Variants in RPS6KA5 observed in about 807,000 individuals in gnomAD.
The protein encoded by RPS6KA5 is ribosomal protein S6 kinase alpha-5.
Under a neutral mutation model 85.5 loss-of-function variants are expected in RPS6KA5, and 27 were observed. The ratio of observed to expected loss-of-function variants is 0.32; its 90% CI spans 0.23 to 0.44. RPS6KA5 has a LOEUF of 0.44. Ranked by LOEUF, RPS6KA5 falls within the 20% of genes least tolerant of loss-of-function variation. RPS6KA5 has a pLI of 1.00. For synonymous variants in RPS6KA5, 334 were observed against 348.2 expected (o/e 0.96, Z 0.46); for missense variants, 811 against 980.9 (o/e 0.83, Z 2.31).
chr14:90,855,379 G>C lies in RPS6KA5; in HGVS notation c.*16695C>G, dbSNP rs2032222555. Reference sequence around the variant, plus strand: ...CATAGGTAAGATGAGAGAGATTTTAGAAAAGTGCTCACCAAAGAAAAACTG... The same window carrying C: ...CATAGGTAAGATGAGAGAGATTTTACAAAAGTGCTCACCAAAGAAAAACTG... On this transcript the variant is annotated 3_prime_UTR_variant, in exon 17 of 17. Coordinates refer to ENST00000614987, the MANE Select transcript of RPS6KA5 (RefSeq NM_004755.4). The C allele has an allele frequency of 6.6e-6, 1 of 152,172 alleles. No individual in the cohort carries two copies. The highest frequency in any genetic ancestry group is 1.5e-5 in the Non-Finnish European group (1 of 68,020). The allele number at this position is 152,172 out of a possible 1,614,324, so 9.4% of individuals were successfully genotyped here.
At chr14:91,053,935 A>G (rs1025279415) in intron 1 of RPS6KA5, among the ~76,000 whole-genome samples, 2 of 152,248 alleles carry the variant, frequency 1.3e-5, no homozygotes, top group Non-Finnish European at 2.9e-5. Flanking sequence ...CAATTTCAAA[A>G]CTTACTAAAA....
chr14:91,059,340 GAAAAA>G (rs542313515), intron 1 of RPS6KA5, among the ~76,000 whole-genome samples: 1 of 127,584 alleles, frequency 7.8e-6, no homozygotes, highest in African/African-American at 3.0e-5. Flanking sequence ...AACTCTGTCT[GAAAAA>G]AAAAAAAAAA....
Position 90,866,615 on chromosome 14 carries a change from G to A in RPS6KA5, c.*5459C>T, listed in dbSNP as rs1219783810. 6.6e-6 allele frequency: 1 copy of A among 152,186 alleles called. No individual in the cohort carries two copies. The highest frequency in any genetic ancestry group is 6.5e-5 in the Admixed American group (1 of 15,278). 9.4% of individuals were successfully genotyped at this position (152,186 alleles called of 1,614,324 possible). ...CTTATCTTTATGTAAAACTGTGGAA[G>A]AGCAGTTACATAGATTGTTGCAGCT... On this transcript the variant is annotated 3_prime_UTR_variant, in exon 17 of 17. Transcript: ENST00000614987.
At chr14:90,875,704 A>G (rs1452866619) in intron 14 of RPS6KA5, among the ~76,000 whole-genome samples, 5 of 151,978 alleles carry the variant, frequency 3.3e-5, no homozygotes, top group Non-Finnish European at 7.4e-5. Context: ...TATATACACC[A>G]TGGAATACTA....
intron 7 of RPS6KA5, among the ~76,000 whole-genome samples, chr14:90,907,283 G>A (rs1212258635): frequency 5.9e-5 from 9 of 152,230 alleles, no homozygotes; most frequent in Admixed American, 1.3e-4. Context: ...AGTGTGGTGA[G>A]TTAGAATATA....
intron 1 of RPS6KA5, among the ~76,000 whole-genome samples, chr14:91,051,629 AG>A (rs58292564): frequency 0.7 from 106,424 of 151,708 alleles, 37,417 homozygotes; most frequent in East Asian, 0.87. Flanking sequence ...CTGGGATTAC[AG>A]GTGCCCGCCA....
chr14:90,914,202 C>G (rs2035982518), intron 7 of RPS6KA5, among the ~76,000 whole-genome samples: 1 of 151,508 alleles, frequency 6.6e-6, no homozygotes. Context: ...AGGGAAACAA[C>G]AGAGGGCCAG....
At chr14:90,919,029 A>T (rs551385349) in intron 7 of RPS6KA5, among the ~76,000 whole-genome samples, 1 of 152,356 alleles carries the variant, frequency 6.6e-6, no homozygotes, top group South Asian at 2.1e-4. Context: ...CTACAGTTCA[A>T]TTTGGCAAGA....
At chr14:91,008,984 G>A (rs555165463) in intron 1 of RPS6KA5, among the ~76,000 whole-genome samples, 1 of 152,336 alleles carries the variant, frequency 6.6e-6, no homozygotes, top group African/African-American at 2.4e-5. Context: ...TCACTGTAAT[G>A]CTCAGTTTAA....
In RPS6KA5 at chr14:90,856,302, T is replaced by C. The variant is rs995049345; in HGVS notation, c.*15772A>G. 1 of 151,644 alleles carries C rather than the reference T, an allele frequency of 6.6e-6. No individual in the cohort carries two copies. The highest frequency in any genetic ancestry group is 6.6e-5 in the Admixed American group (1 of 15,212). The allele number at this position is 151,644 out of a possible 1,614,324, so 9.4% of individuals were successfully genotyped here. ...GGGGGGCAGGATGGCATTCTCTGAA[T>C]AGCCAGGTGTTAGTACTGACTTCCT... On this transcript the variant is annotated 3_prime_UTR_variant, in exon 17 of 17. Transcript: ENST00000614987.
chr14:91,005,578 A>C (rs1195049194), intron 1 of RPS6KA5, among the ~76,000 whole-genome samples: 3 of 152,216 alleles, frequency 2.0e-5, no homozygotes, highest in Non-Finnish European at 4.4e-5. Flanking sequence ...ACACATAAGA[A>C]GAAATGGTAA....
chr14:90,994,041 C>A (rs972887108), intron 2 of RPS6KA5, among the ~76,000 whole-genome samples: 2 of 152,048 alleles, frequency 1.3e-5, no homozygotes, highest in African/African-American at 2.4e-5. Flanking sequence ...GTCATGCATG[C>A]ACCACCATGC....
intron 1 of RPS6KA5, among the ~76,000 whole-genome samples, chr14:91,059,196 C>T (rs1158717003): frequency 2.2e-5 from 3 of 135,764 alleles, no homozygotes; most frequent in East Asian, 5.2e-4. Flanking sequence ...CAAAATTAGC[C>T]GGGCATGGTG....
At chr14:91,013,754 C>T (rs909196607) in intron 1 of RPS6KA5, among the ~76,000 whole-genome samples, 1 of 152,166 alleles carries the variant, frequency 6.6e-6, no homozygotes, top group Non-Finnish European at 1.5e-5. Flanking sequence ...CCAGCAGCAG[C>T]AGCAGCGTGG....
intron 3 of RPS6KA5, among the ~76,000 whole-genome samples, chr14:90,958,818 T>C (rs2038655085): frequency 6.6e-6 from 1 of 151,970 alleles, no homozygotes. Context: ...AAATTAGATA[T>C]TATTAATGAG....
intron 1 of RPS6KA5, chr14:91,052,457 T>C (rs754590411): frequency 1.8e-5 from 3 of 167,328 alleles, no homozygotes; most frequent in South Asian, 6.1e-5. Flanking sequence ...CAGAGTAGAC[T>C]CGTCTCTTAA....
At chr14:91,014,674 G>A (rs1312507425) in intron 1 of RPS6KA5, among the ~76,000 whole-genome samples, 1 of 151,840 alleles carries the variant, frequency 6.6e-6, no homozygotes, top group East Asian at 1.9e-4. Context: ...GCGATATAAA[G>A]TTCCTAAGGC....
chr14:90,869,616 T>C lies in RPS6KA5; in HGVS notation c.*2458A>G, dbSNP rs931978282. ...AGTATTTGTATTTCTTAGATCTTCT[T>C]CTATTTTACTCTTAATACCAAAAAA... On this transcript the variant is annotated 3_prime_UTR_variant, in exon 17 of 17. Transcript: ENST00000614987. 1 of 152,202 alleles carries C rather than the reference T, an allele frequency of 6.6e-6. No homozygotes were observed. The highest frequency in any genetic ancestry group is 2.4e-5 in the African/African-American group (1 of 41,440). The allele number at this position is 152,202 out of a possible 1,614,324, so 9.4% of individuals were successfully genotyped here. A position where few individuals can be genotyped will look rare whatever the true frequency, so the allele number is the denominator to read the frequency against.
intron 1 of RPS6KA5, 28 bp from the exon 2 acceptor site, chr14:91,001,187 A>C (rs563401997): frequency 3.1e-5 from 46 of 1,478,988 alleles, no homozygotes; most frequent in Middle Eastern, 1.8e-4. Context: ...GAAAAAAAAA[A>C]CAAGAGGGTC....
Sources: gnomAD v4.1 joint callset for allele counts (sites outside exome capture counted in the v4.1 genomes callset) on GRCh38, gnomAD v4.1.1 for gene constraint, MANE v1.5 for transcripts, NCBI Gene and HGNC (gene_info 2026-07-23, HGNC 2026-07-21) for gene names.